Variants in ARHGAP10 observed in about 807,000 individuals in gnomAD.
ARHGAP10 encodes Rho GTPase activating protein 10.
In ARHGAP10, 87 loss-of-function variants were observed where a neutral mutation model predicts 108.6. The observed-to-expected ratio is 0.80, with a 90% CI of 0.67 to 0.96. The LOEUF (loss-of-function observed/expected upper bound fraction) is 0.96, where lower values mean the gene tolerates loss of function less well. ARHGAP10 is among the 40% of genes least tolerant of loss of function. The pLI is 0.00. For missense variants in ARHGAP10, 939 were observed against 954.5 expected, an observed-to-expected ratio of 0.98 and a Z score of 0.21; for synonymous variants, 347 against 341.1, an observed-to-expected ratio of 1.02 and a Z score of -0.19.
At chr4:147,887,506 C>T (rs1735619474) in intron 10 of ARHGAP10, among the ~76,000 whole-genome samples, 1 of 152,098 alleles carries the variant, frequency 6.6e-6, no homozygotes, top group Admixed American at 6.5e-5. Context: ...TCATTTACTG[C>T]CCATTTTTTA....
intron 1 of ARHGAP10, among the ~76,000 whole-genome samples, chr4:147,788,336 A>G (rs1730979309): frequency 6.6e-6 from 1 of 152,180 alleles, no homozygotes; most frequent in South Asian, 2.1e-4. Context: ...AATCTCAGCT[A>G]CTCAGGAGGC....
intron 3 of ARHGAP10, among the ~76,000 whole-genome samples, chr4:147,836,982 G>A (rs1000569021): frequency 3.9e-5 from 6 of 152,156 alleles, no homozygotes; most frequent in African/African-American, 1.4e-4. Context: ...AAACACGTTG[G>A]CCTCCTATTT....
In ARHGAP10 at chr4:147,847,155, T is replaced by A; in HGVS notation, c.317T>A (p.Leu106Ter). The change falls in exon 4 of 23, where the codon TTA becomes TAA. Residue 106 changes from leucine to a stop codon, truncating the protein, a stop_gained. Transcript: ENST00000336498. LOFTEE classifies it high-confidence loss of function. Reference sequence around the variant, plus strand: ...GTTATCACTCTTGTTCTCTAGGCATTAAGTGTAACTGAAACCCTGATTAAA... The same window carrying A: ...GTTATCACTCTTGTTCTCTAGGCATAAAGTGTAACTGAAACCCTGATTAAA... The part of the protein sequence containing the change: ...NLEEQREIMA[L>*]SVTETLIKPL... The A allele has an allele frequency of 6.2e-7, 1 of 1,612,530 alleles. No homozygotes were observed. The highest frequency in any genetic ancestry group is 1.1e-5 in the South Asian group (1 of 91,016).
intron 4 of ARHGAP10, among the ~76,000 whole-genome samples, chr4:147,857,193 C>G (rs1029591162): frequency 6.6e-6 from 1 of 152,154 alleles, no homozygotes. Context: ...AAATCTGGAG[C>G]AAGTTTGCTT....
intron 13 of ARHGAP10, among the ~76,000 whole-genome samples, chr4:147,915,966 G>GAGTGTTAT (rs1736964988): frequency 6.6e-6 from 1 of 152,134 alleles, no homozygotes; most frequent in Admixed American, 6.5e-5. Context: ...AAAATTAGCT[G>GAGTGTTAT]AGTGTTATAG....
chr4:147,982,413 A>T (rs1739848367), intron 18 of ARHGAP10, among the ~76,000 whole-genome samples: 1 of 139,870 alleles, frequency 7.1e-6, no homozygotes, highest in Admixed American at 7.5e-5. Flanking sequence ...TCTGTTGCCC[A>T]GGCTGGAGTG....
intron 18 of ARHGAP10, among the ~76,000 whole-genome samples, chr4:147,990,794 C>T (rs779289682): frequency 6.6e-5 from 10 of 151,996 alleles, no homozygotes; most frequent in Non-Finnish European, 1.2e-4. Flanking sequence ...GGTCGGAGCA[C>T]GAGGATCACA....
At chr4:147,878,341 C>T (rs557199585) in intron 8 of ARHGAP10, among the ~76,000 whole-genome samples, 19 of 152,284 alleles carry the variant, frequency 1.2e-4, no homozygotes, top group South Asian at 8.3e-4. Context: ...GTGATCCACC[C>T]GCCTTGGCCT....
chr4:148,027,096 G>T (rs1727895867), intron 19 of ARHGAP10, among the ~76,000 whole-genome samples: 1 of 152,176 alleles, frequency 6.6e-6, no homozygotes, highest in East Asian at 1.9e-4. Flanking sequence ...CAAGGCAGAA[G>T]AAATTTTAAG....
intron 10 of ARHGAP10, among the ~76,000 whole-genome samples, chr4:147,896,199 T>C (rs2126892619): frequency 6.6e-6 from 1 of 152,308 alleles, no homozygotes; most frequent in South Asian, 2.1e-4. Context: ...TTCTCTGGTT[T>C]TGGTACCAAG....
At chr4:147,766,872 T>TCTTG (rs1729855589) in intron 1 of ARHGAP10, among the ~76,000 whole-genome samples, 1 of 148,312 alleles carries the variant, frequency 6.7e-6, no homozygotes, top group Non-Finnish European at 1.5e-5. Context: ...TATGATGGAG[T>TCTTG]CTTGCTCTGT....
intron 3 of ARHGAP10, among the ~76,000 whole-genome samples, chr4:147,830,859 T>A (rs1732930363): frequency 6.6e-6 from 1 of 152,224 alleles, no homozygotes; most frequent in Non-Finnish European, 1.5e-5. Flanking sequence ...AAATATTTTT[T>A]AAAAAGTGTT....
chr4:148,063,363 T>A (rs984733266), intron 21 of ARHGAP10, 63 bp downstream of exon 21: 29 of 1,595,554 alleles, frequency 1.8e-5, no homozygotes, highest in Non-Finnish European at 2.3e-5. Context: ...TTGATGAACC[T>A]GAGCAGGTTC....
chr4:147,762,079 C>A (rs1389093096), intron 1 of ARHGAP10, among the ~76,000 whole-genome samples: 1 of 152,182 alleles, frequency 6.6e-6, no homozygotes, highest in Non-Finnish European at 1.5e-5. Flanking sequence ...ACAATCTCAG[C>A]TCATCGCAAC....
chr4:147,751,881 T>C (rs1729165454), intron 1 of ARHGAP10, among the ~76,000 whole-genome samples: 1 of 149,238 alleles, frequency 6.7e-6, no homozygotes, highest in African/African-American at 2.5e-5. Flanking sequence ...CTGAAGCCTT[T>C]AGTTTTTTTT....
In ARHGAP10 at chr4:147,936,317, CTTTT is replaced by C. The variant is rs765432394; in HGVS notation, c.1229-3489_1229-3486del. Among the ~76,000 whole-genome samples the C allele has an allele frequency of 2.4e-3, 236 of 97,882 alleles. 2 individuals are homozygous for C. The highest frequency in any genetic ancestry group is 9.0e-3 in the African/African-American group (222 of 24,666). 64.2% of individuals were successfully genotyped at this position (97,882 alleles called of 152,430 possible). A position where few individuals can be genotyped will look rare whatever the true frequency, so the allele number is the denominator to read the frequency against. On this transcript the variant is annotated intron_variant, in intron 13 of 22. Transcript: ENST00000336498. The stretch of plus-strand genomic sequence containing the variant: ...GGGCTGTGCGGCCTCCTTTTCCTCT[CTTTT>C]TTTTTTTTTTTTTTTTTTGAGATGG...
At chr4:147,784,081 T>A (rs1730696901) in intron 1 of ARHGAP10, among the ~76,000 whole-genome samples, 1 of 123,568 alleles carries the variant, frequency 8.1e-6, no homozygotes, top group South Asian at 3.0e-4. Flanking sequence ...GTGTATTATA[T>A]AATTTACATA....
At chr4:147,761,959 A>G (rs1196832516) in intron 1 of ARHGAP10, among the ~76,000 whole-genome samples, 1 of 152,198 alleles carries the variant, frequency 6.6e-6, no homozygotes. Context: ...TCATGCTTAC[A>G]CCCAGATCAG....
At chr4:147,979,623 G>A (rs896338180) in intron 18 of ARHGAP10, among the ~76,000 whole-genome samples, 2 of 152,132 alleles carry the variant, frequency 1.3e-5, no homozygotes, top group South Asian at 4.2e-4. Context: ...ATTGCTTTGG[G>A]CGGTATGGAG....
Sources: allele counts gnomAD v4.1 joint callset (sites outside exome capture counted in the v4.1 genomes callset), GRCh38; gene constraint gnomAD v4.1.1; transcripts MANE v1.5; gene names NCBI Gene and HGNC (gene_info 2026-07-23, HGNC 2026-07-21).